ZNF420: variants seen among roughly 807,000 people sequenced by gnomAD.
ZNF420 encodes zinc finger protein 420.
ZNF420 carries 31 observed loss-of-function variants against 44.7 expected under a neutral mutation model. The observed-to-expected ratio is 0.69, with a 90% CI of 0.52 to 0.94. The LOEUF (loss-of-function observed/expected upper bound fraction) is 0.94. ZNF420 is among the 40% of genes least tolerant of loss of function. The pLI is 0.00. For missense variants in ZNF420, 681 were observed against 827.9 expected (o/e 0.82, Z 2.18); for synonymous variants, 245 against 267.4 (o/e 0.92, Z 0.82).
intron 2 of ZNF420, among the ~76,000 whole-genome samples, chr19:37,087,789 GCGCTCGCCA>G (rs1292712850): frequency 1.3e-5 from 2 of 152,186 alleles, no homozygotes; most frequent in Non-Finnish European, 2.9e-5. Context: ...GGGACTACAG[GCGCTCGCCA>G]CCACACCCGG....
At chr19:37,086,905 A>AT (rs1968819188) in intron 2 of ZNF420, among the ~76,000 whole-genome samples, 2 of 152,138 alleles carry the variant, frequency 1.3e-5, no homozygotes, top group East Asian at 1.9e-4. Flanking sequence ...TCTTGTTACC[A>AT]TTTTTTTATT....
chr19:37,066,643 A>G (rs1194124770), intron 1 of ZNF420, among the ~76,000 whole-genome samples: 3 of 152,186 alleles, frequency 2.0e-5, no homozygotes, highest in Non-Finnish European at 4.4e-5. Context: ...GACAGCACCA[A>G]ATGTTGGCAA....
chr19:37,036,241 G>A (rs1376429617), intron 1 of ZNF420, among the ~76,000 whole-genome samples: 3 of 152,288 alleles, frequency 2.0e-5, no homozygotes, highest in East Asian at 3.9e-4. Flanking sequence ...GATTTGGAAT[G>A]TTCCCAACAC....
intron 1 of ZNF420, among the ~76,000 whole-genome samples, chr19:37,057,429 G>A (rs530741063): frequency 9.2e-6 from 1 of 108,874 alleles, no homozygotes; most frequent in East Asian, 2.0e-4. Context: ...TGCCACTGCT[G>A]TATGTCTGTG....
At chr19:37,101,757 T>C (rs1166335749) in intron 4 of ZNF420, among the ~76,000 whole-genome samples, 11 of 152,004 alleles carry the variant, frequency 7.2e-5, no homozygotes, top group Non-Finnish European at 1.5e-5. Flanking sequence ...TGTATGGGAG[T>C]CCAGACAGGG....
At chr19:37,036,561 G>A (rs898385427) in intron 1 of ZNF420, among the ~76,000 whole-genome samples, 1 of 152,048 alleles carries the variant, frequency 6.6e-6, no homozygotes, top group Non-Finnish European at 1.5e-5. Context: ...TCCTGCTTTT[G>A]GTCATTCGTA....
At chr19:37,010,956 C>T (rs1169478248) in intron 1 of ZNF420, among the ~76,000 whole-genome samples, 1 of 152,162 alleles carries the variant, frequency 6.6e-6, no homozygotes, top group East Asian at 1.9e-4. Context: ...CACACCACGA[C>T]ACAATCTTCA....
At chr19:37,061,958 A>G (rs943340323) in intron 1 of ZNF420, among the ~76,000 whole-genome samples, 1 of 152,208 alleles carries the variant, frequency 6.6e-6, no homozygotes, top group African/African-American at 2.4e-5. Flanking sequence ...AATTCTCAAA[A>G]AACTTTCATC....
chr19:37,121,354 G>C (rs1382087290), intron 4 of ZNF420, among the ~76,000 whole-genome samples: 2 of 147,506 alleles, frequency 1.4e-5, no homozygotes, highest in Non-Finnish European at 3.0e-5. Flanking sequence ...TGACAAACCT[G>C]ACAAAAACAA....
chr19:37,081,505 A>ATTTTT, intron 2 of ZNF420, among the ~76,000 whole-genome samples: 1 of 135,380 alleles, frequency 7.4e-6, no homozygotes, highest in African/African-American at 2.8e-5. Flanking sequence ...TGCTTCATGT[A>ATTTTT]TTTTTTTTTT....
intron 1 of ZNF420, among the ~76,000 whole-genome samples, chr19:37,015,929 A>T (rs1335360856): frequency 6.6e-6 from 1 of 152,054 alleles, no homozygotes; most frequent in African/African-American, 2.4e-5. Context: ...CATGTTTCTC[A>T]TGGGCCTAGG....
chr19:37,071,929 T>A (rs895641931), intron 1 of ZNF420, among the ~76,000 whole-genome samples: 1 of 152,224 alleles, frequency 6.6e-6, no homozygotes, highest in African/African-American at 2.4e-5. Context: ...ATAGAAACTA[T>A]CTTTGAAACA....
chr19:37,101,429 A>G (rs565250881), intron 4 of ZNF420, among the ~76,000 whole-genome samples: 10 of 152,294 alleles, frequency 6.6e-5, no homozygotes, highest in African/African-American at 2.2e-4. Context: ...CTGGAGGCAG[A>G]GGTTGCAGTG....
Position 37,127,119 on chromosome 19 carries a change from A to G in ZNF420, c.137-9A>G, listed in dbSNP as rs766626648. 3.4e-6 allele frequency: 5 copies of G among 1,453,220 alleles called. No individual in the cohort carries two copies. The African/African-American group carries it at 4.3e-5, about 12-fold the overall frequency. The allele number at this position is 1,453,220 out of a possible 1,614,324, so 90.0% of individuals were successfully genotyped here. A position where few individuals can be genotyped will look rare whatever the true frequency, so the allele number is the denominator to read the frequency against. ...TTTCTCAATTTTTTTATTCTCTCTT[A>G]TCTTTCAGACTTGCCTTCAAGGTGT... On this transcript the variant is annotated splice_polypyrimidine_tract_variant and intron_variant, in intron 4 of 4. Transcript: ENST00000337995.
In ZNF420 at chr19:37,050,126, A is replaced by G. The variant is rs113336435; in HGVS notation, c.-124-30219A>G. Among the ~76,000 whole-genome samples the G allele has an allele frequency of 1.4e-3, 210 of 152,044 alleles. 1 individual carries two copies. Among genetic ancestry groups the G allele is most frequent in the South Asian group, 4.0e-3 (19 of 4,796 alleles). Reference sequence around the variant, plus strand: ...CTGTTTTGGTTACTGTAGCCTTGTAATATAGTTTGAGGTCAGGTAGCATGA... The same window carrying G: ...CTGTTTTGGTTACTGTAGCCTTGTAGTATAGTTTGAGGTCAGGTAGCATGA... On this transcript the variant is annotated intron_variant, in intron 1 of 4. Transcript: ENST00000587029.
chr19:37,117,674 G>A lies in ZNF420; in HGVS notation c.137-9454G>A, dbSNP rs145040241. Reference sequence around the variant, plus strand: ...GGCTTCAGACGATCAAACTACTCCCGAGCTACAGGAGGAAATTCAAACCAA... The same window carrying A: ...GGCTTCAGACGATCAAACTACTCCCAAGCTACAGGAGGAAATTCAAACCAA... On this transcript the variant is annotated intron_variant, in intron 4 of 4. Coordinates refer to ENST00000337995, the MANE Select transcript of ZNF420 (RefSeq NM_144689.5). 6.9e-3 allele frequency among the ~76,000 whole-genome samples: 1,049 copies of A among 151,354 alleles called. 11 individuals are homozygous for A. The highest frequency in any genetic ancestry group is 0.024 in the African/African-American group (984 of 41,072).
intron 1 of ZNF420, among the ~76,000 whole-genome samples, chr19:37,068,445 GC>G (rs1392263174): frequency 6.6e-6 from 1 of 152,090 alleles, no homozygotes; most frequent in Non-Finnish European, 1.5e-5. Context: ...TTCAAGACCA[GC>G]CTGACCAACA....
chr19:37,074,698 C>G (rs1054038854), upstream of ZNF420, among the ~76,000 whole-genome samples: 1 of 152,068 alleles, frequency 6.6e-6, no homozygotes, highest in African/African-American at 2.4e-5. Context: ...GGAGAACAAC[C>G]TTGTTCTTCG....
In ZNF420 at chr19:37,128,631, T is replaced by C. The variant is rs1235422952; in HGVS notation, c.1640T>C (p.Ile547Thr). Residue 547 changes from isoleucine to threonine, a missense_variant, in exon 5 of 5, where the codon ATA becomes ACA. Physicochemically the swap from Ile to Thr is moderately conservative, Grantham distance 89. Coordinates refer to ENST00000337995, the MANE Select transcript of ZNF420 (RefSeq NM_144689.5). ...GKAFARGLLL[I>T]QHQRIHTGEK... ...GCCTTTGCGCGTGGCTTACTACTTA[T>C]ACAACATCAGAGAATTCATACTGGT... is the stretch of plus-strand genomic sequence containing the variant. 11 of 1,612,860 alleles carry C rather than the reference T, an allele frequency of 6.8e-6. No individual in the cohort carries two copies. The highest frequency in any genetic ancestry group is 6.7e-5 in the East Asian group (3 of 44,756).
Sources: gnomAD v4.1 joint callset for allele counts (sites outside exome capture counted in the v4.1 genomes callset) on GRCh38, gnomAD v4.1.1 for gene constraint, MANE v1.5 for transcripts, NCBI Gene and HGNC (gene_info 2026-07-23, HGNC 2026-07-21) for gene names.